Variants in CPED1 observed in about 807,000 individuals in gnomAD.
CPED1 encodes the protein cadherin like and PC-esterase domain containing 1.
Under a neutral mutation model 128.2 loss-of-function variants are expected in CPED1, and 114 were observed. That is an observed-to-expected ratio of 0.89 (90% CI 0.76 to 1.04). The LOEUF is 1.04. Ranked by LOEUF, CPED1 falls within the 50% of genes least tolerant of loss-of-function variation. The pLI is 0.00. For synonymous variants in CPED1, 462 were observed against 426.7 expected, an observed-to-expected ratio of 1.08 and a Z score of -1.02; for missense variants, 1,211 against 1,207.1, an observed-to-expected ratio of 1.00 and a Z score of -0.05.
chr7:120,993,960 G>A (rs781233212), intron 2 of CPED1: 13 of 327,354 alleles, frequency 4.0e-5, no homozygotes, highest in South Asian at 8.9e-5. Flanking sequence ...GGTGGGGGTC[G>A]TCCTGCAGGT....
intron 3 of CPED1, among the ~76,000 whole-genome samples, chr7:121,028,188 A>C (rs1792643543): frequency 1.3e-5 from 2 of 152,292 alleles, no homozygotes; most frequent in Admixed American, 1.3e-4. Context: ...CTGATTCAGT[A>C]AGAATGGAGA....
chr7:121,107,558 A>G (rs574397972), intron 7 of CPED1, among the ~76,000 whole-genome samples: 21 of 152,276 alleles, frequency 1.4e-4, no homozygotes, highest in African/African-American at 5.1e-4. Context: ...AAGAATAATT[A>G]GTAATAAAAA....
At chr7:121,046,374 A>G (rs1793194613) in intron 3 of CPED1, among the ~76,000 whole-genome samples, 1 of 151,772 alleles carries the variant, frequency 6.6e-6, no homozygotes, top group African/African-American at 2.4e-5. Context: ...ACTTTCTTTT[A>G]TGGAACATCA....
In CPED1 at chr7:121,097,691, CTT is replaced by C. The variant is rs763475506; in HGVS notation, c.617-5_617-4del. On this transcript the variant is annotated splice_region_variant and splice_polypyrimidine_tract_variant and intron_variant, in intron 5 of 22. Coordinates refer to ENST00000310396, the MANE Select transcript of CPED1 (RefSeq NM_024913.5). ...ATGACTGTCTTCTGCTCTCTTGAAT[CTT>C]TTCAGAACTGCAACTTCCAGTGAGT... 6.2e-7 allele frequency: 1 copy of C among 1,612,908 alleles called. No homozygotes were observed. Among genetic ancestry groups the C allele is most frequent in the Admixed American group, 1.7e-5 (1 of 59,794 alleles).
At chr7:121,183,063 C>T (rs1224244252) in intron 16 of CPED1, among the ~76,000 whole-genome samples, 1 of 151,802 alleles carries the variant, frequency 6.6e-6, no homozygotes, top group Non-Finnish European at 1.5e-5. Context: ...CAAGAAACTG[C>T]AGTTATTAAT....
At position 121,015,715 on chromosome 7, in the gene CPED1, A is replaced by T; in HGVS notation, c.300A>T (p.Ile100=). 6.2e-7 allele frequency: 1 copy of T among 1,609,574 alleles called. No homozygotes were observed. The highest frequency in any genetic ancestry group is 8.5e-7 in the Non-Finnish European group (1 of 1,178,644). ...TTGGCAGCCATGGCCGAAGGGCCAT[A>T]CTCTACAGGCCTCCTTTCTACAGCA... ...THFGSHGRRA[I]LYRPPFYSKT... is the part of the protein sequence containing the mutation. Residue 100 remains isoleucine (I), a synonymous_variant, in exon 3 of 23, where the codon ATA becomes ATT. Transcript: ENST00000310396.
At position 121,296,111 on chromosome 7, in the gene CPED1, A is replaced by G. The variant is rs930106795; in HGVS notation, c.*459A>G. On this transcript the variant is annotated 3_prime_UTR_variant, in exon 23 of 23. Coordinates refer to ENST00000310396, the MANE Select transcript of CPED1 (RefSeq NM_024913.5). ...AGAAGTTGTCCTTTCATTCTTTACC[A>G]GGAGAAAATGTGATGTTTATGATGG... 2.0e-5 allele frequency: 3 copies of G among 153,580 alleles called. No homozygotes were observed. Among genetic ancestry groups the G allele is most frequent in the African/African-American group, 4.8e-5 (2 of 41,482 alleles). The allele number at this position is 153,580 out of a possible 1,614,324, so 9.5% of individuals were successfully genotyped here.
intron 16 of CPED1, among the ~76,000 whole-genome samples, chr7:121,160,626 AAG>A (rs1487922594): frequency 6.6e-6 from 1 of 152,128 alleles, no homozygotes. Flanking sequence ...GAAAGGGAGA[AAG>A]AGAGTGATGA....
chr7:121,138,957 A>AG (rs1316397989), intron 14 of CPED1, among the ~76,000 whole-genome samples: 1 of 151,970 alleles, frequency 6.6e-6, no homozygotes, highest in African/African-American at 2.4e-5. Context: ...AAATTTCTGG[A>AG]GAAAAAACTT....
chr7:121,208,045 C>T (rs1797560256), intron 16 of CPED1, among the ~76,000 whole-genome samples: 1 of 151,950 alleles, frequency 6.6e-6, no homozygotes. Flanking sequence ...TCTAGACTCA[C>T]TTGTCTTGAG....
At chr7:121,284,926 A>C (rs1390065964) in intron 22 of CPED1, among the ~76,000 whole-genome samples, 1 of 152,164 alleles carries the variant, frequency 6.6e-6, no homozygotes, top group African/African-American at 2.4e-5. Flanking sequence ...GCAGTGCCCC[A>C]GTGGGGTCAC....
intron 16 of CPED1, among the ~76,000 whole-genome samples, chr7:121,152,329 C>G (rs1198569819): frequency 6.6e-6 from 1 of 152,168 alleles, no homozygotes; most frequent in Non-Finnish European, 1.5e-5. Flanking sequence ...GCTTCTTGAC[C>G]TGACAAATTA....
chr7:121,066,532 C>T (rs1239091764), intron 5 of CPED1, among the ~76,000 whole-genome samples: 2 of 152,096 alleles, frequency 1.3e-5, no homozygotes, highest in Non-Finnish European at 2.9e-5. Context: ...CAAAAGGCCT[C>T]AGAACACTTA....
chr7:121,036,514 T>C (rs1240817004), intron 3 of CPED1, among the ~76,000 whole-genome samples: 1 of 143,892 alleles, frequency 6.9e-6, no homozygotes, highest in Non-Finnish European at 1.5e-5. Context: ...TATATTTTTT[T>C]TTTCTTTCTT....
At chr7:121,149,969 A>C (rs1466020928) in intron 16 of CPED1, among the ~76,000 whole-genome samples, 2 of 152,142 alleles carry the variant, frequency 1.3e-5, no homozygotes, top group African/African-American at 4.8e-5. Context: ...TCTCAAGCCA[A>C]ACTAACTCAA....
At chr7:121,212,428 C>T (rs1255051014) in intron 16 of CPED1, among the ~76,000 whole-genome samples, 4 of 152,030 alleles carry the variant, frequency 2.6e-5, no homozygotes, top group Non-Finnish European at 4.4e-5. Flanking sequence ...TCCCCTGTCT[C>T]TGTTTTTTCC....
intron 7 of CPED1, among the ~76,000 whole-genome samples, chr7:121,112,408 A>T (rs1159835687): frequency 3.3e-5 from 5 of 152,128 alleles, no homozygotes; most frequent in African/African-American, 9.7e-5. Context: ...GAGAAGATAC[A>T]TCTTCACATC....
At chr7:121,066,422 G>T (rs2116063088) in intron 5 of CPED1, among the ~76,000 whole-genome samples, 1 of 151,944 alleles carries the variant, frequency 6.6e-6, no homozygotes, top group East Asian at 1.9e-4. Flanking sequence ...TTAATTTGAA[G>T]AATAAGACAT....
chr7:121,081,204 T>G, intron 5 of CPED1, among the ~76,000 whole-genome samples: 1 of 152,300 alleles, frequency 6.6e-6, no homozygotes, highest in East Asian at 1.9e-4. Context: ...AAAAATATAT[T>G]GATAAAGACT....
Sources: allele counts gnomAD v4.1 joint callset (sites outside exome capture counted in the v4.1 genomes callset), GRCh38; gene constraint gnomAD v4.1.1; transcripts MANE v1.5; gene names NCBI Gene and HGNC (gene_info 2026-07-23, HGNC 2026-07-21).